The following TGFBR2 variants were observed in gnomAD, a reference collection of about 807,000 sequenced individuals.
TGFBR2 encodes the protein TGF-beta receptor type-2.
TGFBR2 carries 18 observed loss-of-function variants against 49.0 expected under a neutral mutation model. That is an observed-to-expected ratio of 0.37 (90% CI 0.25 to 0.54). The LOEUF is 0.54. Ranked by LOEUF, TGFBR2 falls within the 20% of genes least tolerant of loss-of-function variation. The pLI is 0.85. For missense variants in TGFBR2, 525 were observed against 722.6 expected (o/e 0.73, Z 3.13); for synonymous variants, 282 against 275.9 (o/e 1.02, Z -0.22).
chr3:30,606,574 C>A (rs997162794), upstream of TGFBR2: 3 of 316,356 alleles, frequency 9.5e-6, no homozygotes, highest in Non-Finnish European at 1.7e-5. Context: ...GTTTCCCCCG[C>A]AGCGCTGAGT....
chr3:30,689,352 G>T (rs1699675668), intron 6 of TGFBR2, among the ~76,000 whole-genome samples: 1 of 152,186 alleles, frequency 6.6e-6, no homozygotes, highest in Non-Finnish European at 1.5e-5. Flanking sequence ...GAATGAGAGA[G>T]AACAGTGTGG....
At position 30,669,121 on chromosome 3, in the gene TGFBR2, C is replaced by CAAA. The variant is rs56069409; in HGVS notation, c.455-2488_455-2486dup. 1.4e-3 allele frequency among the ~76,000 whole-genome samples: 115 copies of CAAA among 83,462 alleles called. 6 individuals are homozygous for CAAA. Among genetic ancestry groups the CAAA allele is most frequent in the African/African-American group, 3.8e-3 (69 of 18,306 alleles). 54.8% of individuals were successfully genotyped at this position (83,462 alleles called of 152,430 possible). A position where few individuals can be genotyped will look rare whatever the true frequency, so the allele number is the denominator to read the frequency against. On this transcript the variant is annotated intron_variant, in intron 3 of 6. Transcript: ENST00000295754. ...TGAAACCCCGTCTCCACTAAAAATA[C>CAAA]AAAAAAAAAAAAAAAAAAAAAAAAA...
intron 5 of TGFBR2, among the ~76,000 whole-genome samples, chr3:30,679,093 G>T: frequency 6.6e-6 from 1 of 152,220 alleles, no homozygotes; most frequent in South Asian, 2.1e-4. Flanking sequence ...TGTCTTTTAG[G>T]TCTTACCTCC....
Position 30,656,749 on chromosome 3 carries a change from G to A in TGFBR2, c.454+6289G>A, listed in dbSNP as rs534118548. On this transcript the variant is annotated intron_variant, in intron 3 of 6. Coordinates refer to ENST00000295754, the MANE Select transcript of TGFBR2 (RefSeq NM_003242.6). The stretch of plus-strand genomic sequence containing the variant: ...CTTATTCTAGAAAATGAGAGGCACT[G>A]GGGCCATATAGGAAAGGGATAGCAT... 9.8e-5 allele frequency among the ~76,000 whole-genome samples: 15 copies of A among 152,304 alleles called. No individual in the cohort carries two copies. The South Asian group carries it at 2.7e-3, about 27-fold the overall frequency.
chr3:30,612,697 A>G (rs1350399576), intron 1 of TGFBR2, among the ~76,000 whole-genome samples: 1 of 151,514 alleles, frequency 6.6e-6, no homozygotes, highest in Non-Finnish European at 1.5e-5. Flanking sequence ...AAAGATGTGT[A>G]TTGTAAACCC....
chr3:30,610,744 A>T (rs1698014034), intron 1 of TGFBR2, among the ~76,000 whole-genome samples: 1 of 152,242 alleles, frequency 6.6e-6, no homozygotes, highest in African/African-American at 2.4e-5. Context: ...TGCCTGCAAC[A>T]TAGTAAATGC....
chr3:30,667,235 T>C (rs1699262004), intron 3 of TGFBR2, among the ~76,000 whole-genome samples: 1 of 152,254 alleles, frequency 6.6e-6, no homozygotes, highest in Admixed American at 6.5e-5. Context: ...GTTCAGTTTA[T>C]GAGTTTCTCT....
At chr3:30,671,210 G>A (rs902805664) in intron 3 of TGFBR2, among the ~76,000 whole-genome samples, 4 of 152,186 alleles carry the variant, frequency 2.6e-5, no homozygotes, top group Non-Finnish European at 4.4e-5. Flanking sequence ...AGAAGACATG[G>A]TACCTTCCAG....
chr3:30,687,032 G>A (rs1575164547), intron 5 of TGFBR2, among the ~76,000 whole-genome samples: 1 of 152,254 alleles, frequency 6.6e-6, no homozygotes, highest in Non-Finnish European at 1.5e-5. Context: ...GCACCCAAAT[G>A]CTCACAGTCC....
chr3:30,608,947 A>G (rs967662523), intron 1 of TGFBR2, among the ~76,000 whole-genome samples: 1 of 152,232 alleles, frequency 6.6e-6, no homozygotes, highest in African/African-American at 2.4e-5. Context: ...GAAGGAAATT[A>G]GCAGGCCCTG....
intron 1 of TGFBR2, among the ~76,000 whole-genome samples, chr3:30,624,789 A>C (rs1344608113): frequency 6.6e-6 from 1 of 152,232 alleles, no homozygotes; most frequent in Non-Finnish European, 1.5e-5. Context: ...CTTGAAGAAC[A>C]CATTAAATTA....
chr3:30,673,948 ATCTGTACCTT>A (rs753051793), intron 4 of TGFBR2, among the ~76,000 whole-genome samples, 147 bp from the exon 5 acceptor site: 40 of 152,200 alleles, frequency 2.6e-4, no homozygotes, highest in Non-Finnish European at 4.9e-4. Context: ...ATAACCATCT[ATCTGTACCTT>A]TCTGTGCATT....
At position 30,614,676 on chromosome 3, in the gene TGFBR2, G is replaced by A. The variant is rs6791557; in HGVS notation, c.94+7699G>A. Among the ~76,000 whole-genome samples, 66,373 of 151,890 alleles carry A rather than the reference G, an allele frequency of 0.44. 14,829 individuals carry two copies. The highest frequency in any genetic ancestry group is 0.77 in the East Asian group (3,949 of 5,152). The stretch of plus-strand genomic sequence containing the variant: ...TGCACGGATCATGCTGAGTACTTCA[G>A]GTGTATTAACCCTCAAAACAACTTT... On this transcript the variant is annotated intron_variant, in intron 1 of 6. Coordinates refer to ENST00000295754, the MANE Select transcript of TGFBR2 (RefSeq NM_003242.6).
At chr3:30,621,278 C>CTT (rs10688941) in intron 1 of TGFBR2, among the ~76,000 whole-genome samples, 54,361 of 116,212 alleles carry the variant, frequency 0.47, 13,953 homozygotes, top group East Asian at 0.56. Context: ...TTTTAATATT[C>CTT]TTTTTTTTTT....
At chr3:30,613,476 G>A (rs1297923893) in intron 1 of TGFBR2, among the ~76,000 whole-genome samples, 1 of 151,984 alleles carries the variant, frequency 6.6e-6, no homozygotes, top group Non-Finnish European at 1.5e-5. Context: ...TGCAATCTCT[G>A]CACGAGGGTT....
chr3:30,608,075 A>T (rs1697963401), intron 1 of TGFBR2, among the ~76,000 whole-genome samples: 2 of 151,352 alleles, frequency 1.3e-5, no homozygotes, highest in South Asian at 4.2e-4. Flanking sequence ...AGTAGCTGGG[A>T]TTACAGGCGC....
rs1344817152 is a variant in TGFBR2, at chr3:30,622,569, G to A, written c.94+15592G>A. ...AAAAGTCATGAAAATAGTCATTTGC[G>A]TACTTCTTCAGGCAGATAGAAAACT... On this transcript the variant is annotated intron_variant, in intron 1 of 6. Transcript: ENST00000295754. Among the ~76,000 whole-genome samples the A allele has an allele frequency of 2.6e-5, 4 of 152,084 alleles. No individual in the cohort carries two copies. In the East Asian group the frequency reaches 5.8e-4, roughly 22 times the overall value.
intron 1 of TGFBR2, among the ~76,000 whole-genome samples, chr3:30,630,602 G>C (rs932601145): frequency 7.2e-5 from 11 of 152,162 alleles, no homozygotes; most frequent in Non-Finnish European, 1.6e-4. Context: ...TGTAAATACT[G>C]TCCTTTTTTC....
At chr3:30,614,316 G>A (rs954283456) in intron 1 of TGFBR2, among the ~76,000 whole-genome samples, 37 of 152,170 alleles carry the variant, frequency 2.4e-4, no homozygotes, top group Admixed American at 1.2e-3. Context: ...CAGTGCTTTA[G>A]AAGATATAAG....
Sources: gnomAD v4.1 joint callset for allele counts (sites outside exome capture counted in the v4.1 genomes callset) on GRCh38, gnomAD v4.1.1 for gene constraint, MANE v1.5 for transcripts, NCBI Gene and HGNC (gene_info 2026-07-23, HGNC 2026-07-21) for gene names.